Variants in TNK2 observed in about 807,000 individuals in gnomAD.
TNK2 encodes the protein tyrosine kinase non receptor 2.
In TNK2, 83 loss-of-function variants were observed where a neutral mutation model predicts 101.8. The observed-to-expected ratio is 0.82, with a 90% confidence interval of 0.68 to 0.98. The LOEUF is 0.98. Among genes scored for constraint, TNK2 ranks in the 50% least tolerant of loss-of-function variants. The probability of loss-of-function intolerance (pLI) is 0.00; values close to 1 mark genes in which losing one functional copy is unlikely to be tolerated. For synonymous variants in TNK2, 804 were observed against 633.0 expected (o/e 1.27, Z -4.06); for missense variants, 1,665 against 1,483.2 (o/e 1.12, Z -2.01).
intron 9 of TNK2, among the ~76,000 whole-genome samples, chr3:195,875,648 T>C (rs941564648): frequency 9.7e-6 from 1 of 102,738 alleles, no homozygotes; most frequent in East Asian, 2.4e-4. Context: ...AGGCCCGCCC[T>C]GTCCGCGCCC....
At chr3:195,876,593 C>CT (rs1424862215) in intron 9 of TNK2, 1 of 456,410 alleles carries the variant, frequency 2.2e-6, no homozygotes, top group South Asian at 1.5e-5. Flanking sequence ...TTGTGGCCTC[C>CT]TGCCCCTCAC....
rs146670915 is a variant in TNK2, at chr3:195,897,304, A to C, written c.-18-8698T>G. Among the ~76,000 whole-genome samples, 344 of 152,266 alleles carry C rather than the reference A, an allele frequency of 2.3e-3. 4 individuals are homozygous for C. Among genetic ancestry groups the C allele is most frequent in the African/African-American group, 7.7e-3 (320 of 41,550 alleles). On this transcript the variant is annotated intron_variant, in intron 1 of 15. Coordinates refer to ENST00000672887, the MANE Select transcript of TNK2 (RefSeq NM_001382273.1). ...CTGACATCACACTGGTCTGGGGAGG[A>C]GGCTGGCCAGGGCCCAAGAAAGAAA...
At chr3:195,877,219 C>T (rs971161509) in intron 9 of TNK2, among the ~76,000 whole-genome samples, 6 of 152,166 alleles carry the variant, frequency 3.9e-5, no homozygotes, top group African/African-American at 1.4e-4. Context: ...CATTCTTCCC[C>T]AGCATAACAC....
intron 1 of TNK2, among the ~76,000 whole-genome samples, chr3:195,893,197 C>T (rs897226740): frequency 2.4e-4 from 36 of 151,840 alleles, no homozygotes; most frequent in Non-Finnish European, 4.1e-4. Context: ...CCCCCACCCC[C>T]GAGTCCCAGC....
Position 195,888,313 on chromosome 3 carries a change from C to T in TNK2, c.163+113G>A. Reference sequence around the variant, plus strand: ...AGCACCTACTGATGTCCCTCCTGCTCCCTCAGGGCTCTGGGACAGAGTTCT... The same window carrying T: ...AGCACCTACTGATGTCCCTCCTGCTTCCTCAGGGCTCTGGGACAGAGTTCT... On this transcript the variant is annotated intron_variant, in intron 2 of 15. Transcript: ENST00000672887. The surrounding 1 kb of genome is among the most constrained non-coding windows in gnomAD (Gnocchi z 5.3). The T allele has an allele frequency of 1.0e-5, 12 of 1,150,856 alleles. No homozygotes were observed. The South Asian group carries it at 1.3e-4, about 13-fold the overall frequency. The allele number at this position is 1,150,856 out of a possible 1,614,324, so 71.3% of individuals were successfully genotyped here. A position where few individuals can be genotyped will look rare whatever the true frequency, so the allele number is the denominator to read the frequency against.
chr3:195,878,568 C>A lies in TNK2; in HGVS notation c.1039G>T (p.Gly347Trp), dbSNP rs750876936. ...TCCTCGGGCCGGGGCAGCCGCTCCC[C>A]CTCCTTGTCGATCTTATGCAGGATC... ...SQILHKIDKE[G>W]ERLPRPEDCP... Residue 347 changes from glycine to tryptophan, a missense_variant, in exon 8 of 16, where the codon GGG becomes TGG. By Grantham distance (184) the Gly-to-Trp change is radical (BLOSUM62 -2). Around this residue, in one of 3 missense-constraint regions of TNK2, gnomAD observed 490 missense variants for 522.5 expected, o/e 0.94. Coordinates refer to ENST00000672887, the MANE Select transcript of TNK2 (RefSeq NM_001382273.1). This position sits in a 1 kb window ranked among gnomAD's most constrained non-coding sequence, Gnocchi z 4.7. The A allele has an allele frequency of 3.1e-6, 5 of 1,613,248 alleles. No homozygotes were observed. Among genetic ancestry groups the A allele is most frequent in the Non-Finnish European group, 4.2e-6 (5 of 1,179,990 alleles).
chr3:195,889,999 G>A (rs554140038), intron 1 of TNK2, among the ~76,000 whole-genome samples: 5 of 152,228 alleles, frequency 3.3e-5, no homozygotes, highest in African/African-American at 7.2e-5. Context: ...TGGGCCCAGC[G>A]TGAGCCTCCT....
intron 9 of TNK2, among the ~76,000 whole-genome samples, chr3:195,877,070 G>A (rs950505984): frequency 2.6e-5 from 4 of 152,094 alleles, no homozygotes; most frequent in African/African-American, 9.7e-5. Flanking sequence ...ACTTCCAGGG[G>A]ACCCCCCCAC....
At chr3:195,870,047 G>T in intron 11 of TNK2, 67 bp downstream of exon 11, 1 of 1,242,042 alleles carries the variant, frequency 8.1e-7, no homozygotes, top group Non-Finnish European at 1.1e-6. Flanking sequence ...AGGGTGGCCT[G>T]TGAAGACAGT....
At position 195,867,363 on chromosome 3, in the gene TNK2, T is replaced by C. The variant is rs765638177; in HGVS notation, c.2935A>G (p.Met979Val). Residue 979 changes from methionine to valine, a missense_variant and splice_region_variant, in exon 13 of 16, where the codon ATG becomes GTG. Transcript: ENST00000672887. ...CCACAGCCAGGCTGGGTGCTCACCA[T>C]CTGGATCTTGTCTGCTGGCCGGCCC... ...EAGRPADKIQ[M>V]LQAMVHGVTT... The C allele has an allele frequency of 3.1e-6, 5 of 1,607,678 alleles. No homozygotes were observed. The highest frequency in any genetic ancestry group is 4.2e-6 in the Non-Finnish European group (5 of 1,177,892).
At chr3:195,894,426 C>CT (rs34513179) in intron 1 of TNK2, 18,875 of 146,988 alleles carry the variant, frequency 0.13, 1,613 homozygotes, top group East Asian at 0.39. Flanking sequence ...CCCCCACCCC[C>CT]TTTTTTTTTT....
chr3:195,870,315 G>T, intron 10 of TNK2, 110 bp from the exon 11 acceptor site: 1 of 1,544,898 alleles, frequency 6.5e-7, no homozygotes, highest in Admixed American at 1.8e-5. Context: ...TCTTGGGTCT[G>T]AAGCACAGGC....
intron 1 of TNK2, among the ~76,000 whole-genome samples, chr3:195,898,584 A>C (rs1456016934): frequency 1.3e-5 from 2 of 151,986 alleles, no homozygotes; most frequent in African/African-American, 4.8e-5. Flanking sequence ...GTCCCAGCCA[A>C]GCCAAGTGTT....
At chr3:195,907,996 A>G (rs528897394) in intron 1 of TNK2, 1 of 152,436 alleles carries the variant, frequency 6.6e-6, no homozygotes, top group East Asian at 1.9e-4. Flanking sequence ...TGCCGTACCC[A>G]AGCCACTAGC....
intron 10 of TNK2, among the ~76,000 whole-genome samples, chr3:195,870,893 A>AGTGTGTGTGGGCCCGCTGTGTGGGTTCTG (rs1315572794): frequency 7.5e-6 from 1 of 133,652 alleles, no homozygotes; most frequent in Non-Finnish European, 1.6e-5. Context: ...TTGGGGTTCC[A>AGTGTGTGTGGGCCCGCTGTGTGGGTTCTG]GTGTGTGTGG....
Position 195,888,326 on chromosome 3 carries a change from G to T in TNK2, c.163+100C>A. 1 of 1,324,424 alleles carries T rather than the reference G, an allele frequency of 7.6e-7. No individual in the cohort carries two copies. The highest frequency in any genetic ancestry group is 1.1e-6 in the Non-Finnish European group (1 of 945,516). The allele number at this position is 1,324,424 out of a possible 1,614,324, so 82.0% of individuals were successfully genotyped here. A position where few individuals can be genotyped will look rare whatever the true frequency, so the allele number is the denominator to read the frequency against. ...GTCCCTCCTGCTCCCTCAGGGCTCT[G>T]GGACAGAGTTCTCAGCTGCCACCCG... On this transcript the variant is annotated intron_variant, in intron 2 of 15. Transcript: ENST00000672887. This position sits in a 1 kb window ranked among gnomAD's most constrained non-coding sequence, Gnocchi z 5.3.
rs779914749 is a variant in TNK2, at chr3:195,878,261, G to A, written c.1248C>T (p.Ile416=). 86 of 1,613,574 alleles carry A rather than the reference G, an allele frequency of 5.3e-5. No homozygotes were observed. Among genetic ancestry groups the A allele is most frequent in the Middle Eastern group, 1.6e-4 (1 of 6,082 alleles). The change falls in exon 9 of 16, where the codon ATC becomes ATT. Residue 416 remains isoleucine (I), a synonymous_variant. Transcript: ENST00000672887. This position sits in a 1 kb window ranked among gnomAD's most constrained non-coding sequence, Gnocchi z 4.7. ...AGCCCTGCACTCCCTACCTTCCCTC[G>A]ATGACGGTGATGACATCATTCATCT... ...HIQMNDVITV[I]EGRAENYWWR...
chr3:195,867,093 G>T (rs1164343420), intron 14 of TNK2, 76 bp downstream of exon 14: 9 of 1,606,970 alleles, frequency 5.6e-6, no homozygotes, highest in African/African-American at 1.3e-5. Context: ...GTCGGAGCCA[G>T]GGGGCGTGGG....
Position 195,884,958 on chromosome 3 carries a change from C to G in TNK2, c.310G>C (p.Ala104Pro). ...SQSTFRKTSP[A>P]PGGPAGEGPL... ...CCCTCCCCTGCTGGGCCCCCAGGGG[C>G]GGGCGAGGTCTTCCGGAAGGTGCTC... The change falls in exon 4 of 16, where the codon GCC (alanine) becomes CCC (proline). Residue 104 changes from alanine (A) to proline (P), a missense_variant. Coordinates refer to ENST00000672887, the MANE Select transcript of TNK2 (RefSeq NM_001382273.1). 1.2e-6 allele frequency: 2 copies of G among 1,613,760 alleles called. No individual in the cohort carries two copies. The highest frequency in any genetic ancestry group is 8.5e-7 in the Non-Finnish European group (1 of 1,179,828).
Sources: allele counts gnomAD v4.1 joint callset (sites outside exome capture counted in the v4.1 genomes callset), GRCh38; gene constraint gnomAD v4.1.1; regional missense constraint gnomAD v4.1.1; non-coding constraint Gnocchi (gnomAD v3.1); transcripts MANE v1.5; gene names NCBI Gene and HGNC (gene_info 2026-07-23, HGNC 2026-07-21).